Variants in KANSL3 observed in about 807,000 individuals in gnomAD.
KANSL3 encodes the protein NSL complex protein NSL3.
Under a neutral mutation model 89.2 loss-of-function variants are expected in KANSL3, and 16 were observed. That is an observed-to-expected ratio of 0.18 (90% CI 0.12 to 0.27). The LOEUF (loss-of-function observed/expected upper bound fraction) is 0.27, where lower values mean the gene tolerates loss of function less well. Ranked by LOEUF, KANSL3 falls within the 10% of genes least tolerant of loss-of-function variation. The pLI is 1.00. For missense variants in KANSL3, 879 were observed against 1,110.6 expected, an observed-to-expected ratio of 0.79 and a Z score of 2.96; for synonymous variants, 385 against 419.7, an observed-to-expected ratio of 0.92 and a Z score of 1.01.
chr2:96,612,391 C>T (rs755422048), intron 8 of KANSL3, 38 bp from the exon 9 acceptor site: 114 of 1,605,682 alleles, frequency 7.1e-5, no homozygotes, highest in Non-Finnish European at 8.8e-5. Context: ...AGACAGGAGG[C>T]CAAAGATAGG....
At chr2:96,602,477 G>A (rs1465982187) in intron 18 of KANSL3, 139 bp from the exon 19 acceptor site, 2 of 684,118 alleles carry the variant, frequency 2.9e-6, no homozygotes, top group Non-Finnish European at 5.0e-6. Flanking sequence ...CAGGCATTTT[G>A]CATATATTAT....
chr2:96,588,459 A>G (rs1440727719), downstream of KANSL3, among the ~76,000 whole-genome samples: 1 of 152,254 alleles, frequency 6.6e-6, no homozygotes, highest in Non-Finnish European at 1.5e-5. Flanking sequence ...GTTGCCGCTG[A>G]CAACAAAGAA....
chr2:96,586,873 C>A, the KANSL3 span, among the ~76,000 whole-genome samples: 1 of 152,218 alleles, frequency 6.6e-6, no homozygotes, highest in Non-Finnish European at 1.5e-5. Flanking sequence ...AATTCTTTAG[C>A]CATATCCCTT....
chr2:96,605,192 T>C (rs2067794099), intron 15 of KANSL3, 128 bp downstream of exon 15: 6 of 807,842 alleles, frequency 7.4e-6, no homozygotes, highest in East Asian at 2.7e-5. Context: ...TACAGACTCA[T>C]GTCTTCTTTG....
chr2:96,608,674 G>A lies in KANSL3; in HGVS notation c.1585-10C>T, dbSNP rs1405354977. 6.2e-7 allele frequency: 1 copy of A among 1,614,046 alleles called. No individual in the cohort carries two copies. Among genetic ancestry groups the A allele is most frequent in the East Asian group, 2.2e-5 (1 of 44,892 alleles). ...ACACACTGGAGAGATCCTGAGTAAG[G>A]TGAGAAGGTCAAGAGATGAGACAAT... On this transcript the variant is annotated splice_polypyrimidine_tract_variant and intron_variant, in intron 13 of 20. Transcript: ENST00000431828.
intron 2 of KANSL3, among the ~76,000 whole-genome samples, chr2:96,633,764 C>T (rs2073851454): frequency 6.6e-6 from 1 of 152,170 alleles, no homozygotes; most frequent in Admixed American, 6.5e-5. Flanking sequence ...ACTTGGGAGA[C>T]TGCAGCAGGA....
In KANSL3 at chr2:96,614,493, G is replaced by T. The variant is rs145598957; in HGVS notation, c.664-874C>A. Among the ~76,000 whole-genome samples, 372 of 152,262 alleles carry T rather than the reference G, an allele frequency of 2.4e-3. 2 individuals carry two copies. The highest frequency in any genetic ancestry group is 8.7e-3 in the African/African-American group (360 of 41,554). On this transcript the variant is annotated intron_variant, in intron 5 of 20. Transcript: ENST00000431828. ...ATAAAGATTATCTCTACTCAAAGCT[G>T]GGCTCAGCGACTCATGCCTGTAATC...
intron 2 of KANSL3, among the ~76,000 whole-genome samples, chr2:96,634,406 C>T (rs2073949233): frequency 6.6e-6 from 1 of 151,936 alleles, no homozygotes. Context: ...ATCCCAGCTA[C>T]TTGGGAGGCT....
At chr2:96,595,856 G>A (rs12477963) in intron 20 of KANSL3, among the ~76,000 whole-genome samples, 32,147 of 152,140 alleles carry the variant, frequency 0.21, 4,464 homozygotes, top group Non-Finnish European at 0.31. Flanking sequence ...TAAGGCAAGT[G>A]CCTATGTTCT....
intron 5 of KANSL3, 40 bp from the exon 6 acceptor site, chr2:96,613,659 C>A: frequency 6.3e-7 from 1 of 1,595,050 alleles, no homozygotes; most frequent in South Asian, 1.1e-5. Flanking sequence ...CAGTGTAAAG[C>A]AGGAGACCTT....
chr2:96,622,450 T>C (rs1329664281), intron 3 of KANSL3, among the ~76,000 whole-genome samples: 1 of 151,844 alleles, frequency 6.6e-6, no homozygotes, highest in Non-Finnish European at 1.5e-5. Context: ...ATTAATAAAG[T>C]ATTATTTTTC....
chr2:96,608,543 C>G lies in KANSL3; in HGVS notation c.1706G>C (p.Arg569Pro), dbSNP rs546859652. Reference protein sequence around the residue: ...SSQLLKRHVQRTEAVLTHKQA... With the variant: ...SSQLLKRHVQPTEAVLTHKQA... ...TTTGTGGGTCAGCACAGCTTCTGTC[C>G]GCTGCACATGTCTCTTCAGCAGCTG... The change falls in exon 14 of 21, where the codon CGG becomes CCG. Residue 569 changes from arginine to proline, a missense_variant. Transcript: ENST00000431828. 4 of 1,614,006 alleles carry G rather than the reference C, an allele frequency of 2.5e-6. No individual in the cohort carries two copies. In the South Asian group the frequency reaches 4.4e-5, roughly 18 times the overall value.
chr2:96,602,699 C>A, intron 18 of KANSL3, 54 bp downstream of exon 18: 1 of 1,429,682 alleles, frequency 7.0e-7, no homozygotes, highest in South Asian at 1.4e-5. Context: ...ACCAACTAAG[C>A]TGAGGAGGCC....
chr2:96,596,775 G>A (rs1443527169), intron 20 of KANSL3, among the ~76,000 whole-genome samples: 1 of 152,222 alleles, frequency 6.6e-6, no homozygotes, highest in Non-Finnish European at 1.5e-5. Flanking sequence ...AGGCTACAGT[G>A]AGGCCCACTG....
chr2:96,630,170 G>T (rs2073125636), intron 3 of KANSL3, among the ~76,000 whole-genome samples: 1 of 152,060 alleles, frequency 6.6e-6, no homozygotes, highest in South Asian at 2.1e-4. Flanking sequence ...CCACTCCCAG[G>T]TATATAACTA....
At chr2:96,637,225 C>A in intron 1 of KANSL3, 40 bp from the exon 2 acceptor site, 2 of 771,176 alleles carry the variant, frequency 2.6e-6, no homozygotes, top group Admixed American at 2.6e-5. Context: ...TTCCAATATC[C>A]TAAATTTCTC....
At position 96,604,829 on chromosome 2, in the gene KANSL3, C is replaced by G. The variant is rs773013295; in HGVS notation, c.1968G>C (p.Gly656=). ...GCTCCTTGGCCCCTGCTGAAGCCTG[C>G]CCCAGTGTCATGGTGATGGGCTTCC... ...AGGKPITMTL[G]QASAGAKELT... Residue 656 remains glycine (G), a synonymous_variant, in exon 16 of 21, where the codon GGG becomes GGC. Transcript: ENST00000431828. 6.3e-7 allele frequency: 1 copy of G among 1,599,940 alleles called. No individual in the cohort carries two copies. Among genetic ancestry groups the G allele is most frequent in the Non-Finnish European group, 8.5e-7 (1 of 1,173,332 alleles).
chr2:96,606,861 G>C, intron 14 of KANSL3: 1 of 487,758 alleles, frequency 2.1e-6, no homozygotes, highest in East Asian at 7.1e-5. Flanking sequence ...AGAGAGAAAA[G>C]AACAGGAGGA....
chr2:96,595,308 G>T lies in KANSL3; in HGVS notation c.*303C>A. 2.8e-6 allele frequency: 1 copy of T among 359,670 alleles called. No homozygotes were observed. Among genetic ancestry groups the T allele is most frequent in the Admixed American group, 4.3e-5 (1 of 23,398 alleles). The allele number at this position is 359,670 out of a possible 1,614,324, so 22.3% of individuals were successfully genotyped here. A position where few individuals can be genotyped will look rare whatever the true frequency, so the allele number is the denominator to read the frequency against. ...CAGGCAGTCCTATATGCTGACCCTT[G>T]GGTCAAACCACAGCTTAAGCGGGGG... On this transcript the variant is annotated 3_prime_UTR_variant, in exon 21 of 21. Coordinates refer to ENST00000431828, the MANE Select transcript of KANSL3 (RefSeq NM_001115016.3).
Sources: allele counts gnomAD v4.1 joint callset (sites outside exome capture counted in the v4.1 genomes callset), GRCh38; gene constraint gnomAD v4.1.1; transcripts MANE v1.5; gene names NCBI Gene and HGNC (gene_info 2026-07-23, HGNC 2026-07-21).